Variants in NOX4 observed in about 807,000 individuals in gnomAD.
NOX4 encodes the protein kidney oxidase-1.
A neutral mutation model predicts 87.6 loss-of-function variants in NOX4; 69 were observed. The ratio of observed to expected loss-of-function variants is 0.79; its 90% CI spans 0.65 to 0.96. NOX4 has a LOEUF of 0.96. NOX4 is among the 40% of genes least tolerant of loss of function. The pLI, the probability that NOX4 is intolerant of heterozygous loss-of-function variation, is 0.00. For synonymous variants in NOX4, 275 were observed against 238.2 expected (o/e 1.15, Z -1.42); for missense variants, 680 against 681.5 (o/e 1.00, Z 0.02).
At chr11:89,499,722 GT>G (rs1289737561), upstream of NOX4, among the ~76,000 whole-genome samples, 3 of 152,060 alleles carry the variant, frequency 2.0e-5, no homozygotes, top group Non-Finnish European at 2.9e-5. Flanking sequence ...TGTATAATAC[GT>G]TGGTTTATCT....
intron 2 of NOX4, among the ~76,000 whole-genome samples, chr11:89,462,749 A>T (rs1945527038): frequency 6.6e-6 from 1 of 152,112 alleles, no homozygotes. Flanking sequence ...CTTTTAATAG[A>T]ACATAATATA....
At chr11:89,366,949 C>T (rs979704215) in intron 12 of NOX4, among the ~76,000 whole-genome samples, 1 of 152,054 alleles carries the variant, frequency 6.6e-6, no homozygotes, top group African/African-American at 2.4e-5. Context: ...TATCTTCTTT[C>T]CTGAGAATGG....
chr11:89,354,825 G>A (rs1395344352), intron 13 of NOX4, 137 bp downstream of exon 13: 1 of 555,508 alleles, frequency 1.8e-6, no homozygotes, highest in African/African-American at 1.9e-5. Flanking sequence ...TGCAGAAGAT[G>A]TCTTAGTTAG....
At chr11:89,455,064 G>A (rs1365956889) in intron 2 of NOX4, among the ~76,000 whole-genome samples, 2 of 152,014 alleles carry the variant, frequency 1.3e-5, no homozygotes, top group Admixed American at 1.3e-4. Context: ...GCTCCTATAG[G>A]CCATATACAT....
intron 6 of NOX4, among the ~76,000 whole-genome samples, chr11:89,436,905 ACTATATTTTATGTC>A (rs1944105896): frequency 6.6e-6 from 1 of 152,120 alleles, no homozygotes; most frequent in African/African-American, 2.4e-5. Context: ...AAGTTTAGCC[ACTATATTTTATGTC>A]ACTTGTATAA....
At chr11:89,428,332 A>G (rs571641748) in intron 7 of NOX4, among the ~76,000 whole-genome samples, 3 of 152,232 alleles carry the variant, frequency 2.0e-5, no homozygotes, top group African/African-American at 7.2e-5. Context: ...ATAACCAGCT[A>G]ACATCATAAT....
At chr11:89,373,728 A>G (rs1374464736) in intron 11 of NOX4, among the ~76,000 whole-genome samples, 1 of 152,198 alleles carries the variant, frequency 6.6e-6, no homozygotes, top group Non-Finnish European at 1.5e-5. Context: ...ACAATAAATT[A>G]CACACGTTAA....
chr11:89,407,986 AT>A (rs35623871), intron 8 of NOX4, among the ~76,000 whole-genome samples: 3 of 151,462 alleles, frequency 2.0e-5, no homozygotes, highest in African/African-American at 4.8e-5. Context: ...TTATAATATG[AT>A]TTTTTTTCTT....
chr11:89,493,912 G>A (rs556671705), upstream of NOX4, among the ~76,000 whole-genome samples: 4 of 151,982 alleles, frequency 2.6e-5, no homozygotes, highest in African/African-American at 4.8e-5. Context: ...GTGCCAACCC[G>A]CCCAGCTAAT....
the NOX4 span, among the ~76,000 whole-genome samples, chr11:89,539,569 C>T: frequency 6.6e-6 from 1 of 152,030 alleles, no homozygotes; most frequent in Non-Finnish European, 1.5e-5. Context: ...TTTCTCTCTC[C>T]TTTTTTGCCT....
chr11:89,502,755 C>T (rs1439414324), upstream of NOX4, among the ~76,000 whole-genome samples: 1 of 152,022 alleles, frequency 6.6e-6, no homozygotes, highest in African/African-American at 2.4e-5. Context: ...ATGTTTGCAT[C>T]ACAAGTTATT....
At chr11:89,536,034 T>C in the NOX4 span, among the ~76,000 whole-genome samples, 6 of 152,112 alleles carry the variant, frequency 3.9e-5, no homozygotes, top group Non-Finnish European at 8.8e-5. Flanking sequence ...GGGGTTTTCT[T>C]TCTGATCATG....
chr11:89,423,698 A>T (rs1943213047), intron 7 of NOX4, among the ~76,000 whole-genome samples: 1 of 152,112 alleles, frequency 6.6e-6, no homozygotes, highest in Non-Finnish European at 1.5e-5. Context: ...AAATTAAAAA[A>T]AACAAACAAA....
At chr11:89,469,508 A>G (rs1462787611) in intron 2 of NOX4, among the ~76,000 whole-genome samples, 1 of 152,206 alleles carries the variant, frequency 6.6e-6, no homozygotes, top group African/African-American at 2.4e-5. Flanking sequence ...ATGCCCATAC[A>G]AAGCCTAATT....
Position 89,469,975 on chromosome 11 carries a change from G to A in NOX4, c.154-18080C>T, listed in dbSNP as rs74727799. ...CACTCATTGATTTAGAGGACAATTT[G>A]AAGTCACATAAACCTGAATATGAAG... On this transcript the variant is annotated intron_variant, in intron 2 of 17. Transcript: ENST00000263317. Among the ~76,000 whole-genome samples, 241 of 152,024 alleles carry A rather than the reference G, an allele frequency of 1.6e-3. 7 individuals are homozygous for A. The East Asian group carries it at 0.04, about 25-fold the overall frequency.
chr11:89,429,948 A>G (rs1033002966), intron 7 of NOX4, among the ~76,000 whole-genome samples: 2 of 152,188 alleles, frequency 1.3e-5, no homozygotes, highest in African/African-American at 4.8e-5. Flanking sequence ...CGATGGAAAA[A>G]TCCTCAATAA....
chr11:89,471,501 G>A (rs1945938328), intron 2 of NOX4, among the ~76,000 whole-genome samples: 1 of 151,998 alleles, frequency 6.6e-6, no homozygotes, highest in Non-Finnish European at 1.5e-5. Context: ...TAATCAAAAA[G>A]GTCTATGGCA....
chr11:89,507,138 G>C, the NOX4 span, among the ~76,000 whole-genome samples: 1 of 151,838 alleles, frequency 6.6e-6, no homozygotes, highest in Admixed American at 6.6e-5. Flanking sequence ...GATTTTCTGT[G>C]GCTGGGGTGG....
rs1410546100 is a variant in NOX4 at position 89,488,980 on chromosome 11, T to C, written c.153+1478A>G. The C allele has an allele frequency of 1.4e-5, 10 of 702,614 alleles. No individual in the cohort carries two copies. The Admixed American group carries it at 1.8e-4, about 13-fold the overall frequency. 43.5% of individuals were successfully genotyped at this position (702,614 alleles called of 1,614,324 possible). On this transcript the variant is annotated intron_variant, in intron 2 of 17. Coordinates refer to ENST00000263317, the MANE Select transcript of NOX4 (RefSeq NM_016931.5). The stretch of plus-strand genomic sequence containing the variant: ...TGGGTGCCCATCTGAAATGTATAGG[T>C]TTCAAGACAGTTCCTGGATTGGATG...
Sources: gnomAD v4.1 joint callset for allele counts (sites outside exome capture counted in the v4.1 genomes callset) on GRCh38, gnomAD v4.1.1 for gene constraint, MANE v1.5 for transcripts, NCBI Gene and HGNC (gene_info 2026-07-23, HGNC 2026-07-21) for gene names.